Variants in SELENOS observed in about 807,000 individuals in gnomAD.
SELENOS encodes the protein selenoprotein S.
A neutral mutation model predicts 30.2 loss-of-function variants in SELENOS; 37 were observed. The observed-to-expected ratio is 1.23, with a 90% CI of 0.94 to 1.61. SELENOS has a LOEUF of 1.61. SELENOS is among the 40% of genes most tolerant of loss of function. The pLI, the probability that SELENOS is intolerant of heterozygous loss-of-function variation, is 0.00. For missense variants in SELENOS, 289 were observed against 231.8 expected (o/e 1.25, Z -1.60); for synonymous variants, 119 against 91.6 (o/e 1.30, Z -1.71).
Position 101,272,833 on chromosome 15 carries a change from C to A in SELENOS, c.508G>T (p.Gly170Ter). The A allele has an allele frequency of 6.2e-7, 1 of 1,609,478 alleles. No individual in the cohort carries two copies. The highest frequency in any genetic ancestry group is 2.2e-5 in the East Asian group (1 of 44,790). Residue 170 changes from glycine to a stop codon, truncating the protein, a stop_gained, in exon 6 of 6, where the codon GGA becomes TGA. Transcript: ENST00000526049. LOFTEE classifies it high-confidence loss of function. ...GGGYNPLSGE[G>*]GGACSWRPGR... Reference sequence around the variant, plus strand: ...GGTCTCCAGGAGCAAGCTCCGCCTCCTTCACCAGACAACGGGTTATAACCT... The same window carrying A: ...GGTCTCCAGGAGCAAGCTCCGCCTCATTCACCAGACAACGGGTTATAACCT...
chr15:101,272,906 C>A, intron 5 of SELENOS, 50 bp from the exon 6 acceptor site: 4 of 1,515,582 alleles, frequency 2.6e-6, no homozygotes, highest in Non-Finnish European at 3.6e-6. Flanking sequence ...ATCTGAAAAT[C>A]TGGGAACATT....
chr15:101,277,254 C>A, intron 1 of SELENOS, 88 bp downstream of exon 1: 1 of 1,519,214 alleles, frequency 6.6e-7, no homozygotes, highest in Non-Finnish European at 8.8e-7. Flanking sequence ...CAGGCTCCGG[C>A]GCCCGGTGCA....
intron 2 of SELENOS, 51 bp downstream of exon 2, chr15:101,276,490 T>A (rs2039328286): frequency 6.5e-7 from 1 of 1,543,416 alleles, no homozygotes; most frequent in Non-Finnish European, 8.7e-7. Context: ...TAACTCTTAA[T>A]ATAAAGGAGG....
In SELENOS at chr15:101,277,422, G is replaced by C. The variant is rs1311030003; in HGVS notation, c.-5C>G. The C allele has an allele frequency of 7.0e-7, 1 of 1,422,224 alleles. No homozygotes were observed. Among genetic ancestry groups the C allele is most frequent in the African/African-American group, 1.5e-5 (1 of 65,954 alleles). The allele number at this position is 1,422,224 out of a possible 1,614,324, so 88.1% of individuals were successfully genotyped here. On this transcript the variant is annotated 5_prime_UTR_variant, in exon 1 of 6. Transcript: ENST00000526049. ...AGACTCCTCTTGGCGTTCCATGACC[G>C]CCGCCGCCGCCGCCGCCCAGCCCTG...
Position 101,276,617 on chromosome 15 carries a change from G to A in SELENOS, c.135C>T (p.Tyr45=), listed in dbSNP as rs757405033. 9.9e-6 allele frequency: 16 copies of A among 1,613,726 alleles called. No homozygotes were observed. The African/African-American group carries it at 1.6e-4, about 16-fold the overall frequency. Residue 45 remains tyrosine (Y), a synonymous_variant, in exon 2 of 6, where the codon TAC becomes TAT. Transcript: ENST00000526049. ...WYIVFSCILL[Y]VVFQKLSARL... ...GGGCGGAAAGCTTCTGAAAGACCACGTAGAGAAGGATGCAGCTGAAGACGA... is the reference window on the plus strand; with the variant it reads ...GGGCGGAAAGCTTCTGAAAGACCACATAGAGAAGGATGCAGCTGAAGACGA...
Position 101,276,547 on chromosome 15 carries a change from C to T in SELENOS, c.205G>A (p.Ala69Thr). ...TCGGTTATCAGGCACTAACCCACAG[C>T]AGCCGCAGCTCGGTCCAGCTGCCTC... Reference protein sequence around the residue: ...RQRQLDRAAAAVEPDVVVKRQ... With the variant: ...RQRQLDRAAATVEPDVVVKRQ... The change falls in exon 2 of 6, where the codon GCT becomes ACT. Residue 69 changes from alanine (A) to threonine (T), a missense_variant. Coordinates refer to ENST00000526049, the MANE Select transcript of SELENOS (RefSeq NM_018445.6). 1 of 1,603,798 alleles carries T rather than the reference C, an allele frequency of 6.2e-7. No individual in the cohort carries two copies. The highest frequency in any genetic ancestry group is 8.5e-7 in the Non-Finnish European group (1 of 1,176,842).
rs757242293 is a variant in SELENOS, at chr15:101,276,550, C to T, written c.202G>A (p.Ala68Thr). Residue 68 changes from alanine to threonine, a missense_variant, in exon 2 of 6, where the codon GCT (alanine) becomes ACT (threonine). By Grantham distance (58) the Ala-to-Thr change is moderately conservative. Transcript: ENST00000526049. The part of the protein sequence containing the change: ...LRQRQLDRAA[A>T]AVEPDVVVKR... ...GTTATCAGGCACTAACCCACAGCAG[C>T]CGCAGCTCGGTCCAGCTGCCTCTGC... The T allele has an allele frequency of 1.2e-6, 2 of 1,606,602 alleles. No homozygotes were observed. The highest frequency in any genetic ancestry group is 1.7e-6 in the Non-Finnish European group (2 of 1,177,738).
intron 2 of SELENOS, 191 bp downstream of exon 2, chr15:101,276,350 G>C: frequency 3.3e-6 from 2 of 602,908 alleles, no homozygotes; most frequent in Admixed American, 4.0e-5. Flanking sequence ...CTGGACTCAA[G>C]TGATTATCCC....
intron 5 of SELENOS, among the ~76,000 whole-genome samples, chr15:101,273,537 A>G (rs988052424): frequency 4.6e-5 from 7 of 152,236 alleles, no homozygotes; most frequent in Non-Finnish European, 8.8e-5. Context: ...GCAGGCAAGC[A>G]CACCCTGCAT....
In SELENOS at chr15:101,277,125, A is replaced by T. The variant is rs762755098; in HGVS notation, c.76+217T>A. 2.8e-4 allele frequency: 233 copies of T among 833,074 alleles called. 3 individuals are homozygous for T. The highest frequency in any genetic ancestry group is 2.2e-3 in the South Asian group (155 of 69,128). The allele number at this position is 833,074 out of a possible 1,614,324, so 51.6% of individuals were successfully genotyped here. A position where few individuals can be genotyped will look rare whatever the true frequency, so the allele number is the denominator to read the frequency against. On this transcript the variant is annotated intron_variant, in intron 1 of 5. Coordinates refer to ENST00000526049, the MANE Select transcript of SELENOS (RefSeq NM_018445.6). The stretch of plus-strand genomic sequence containing the variant: ...CTTGGTTCGCAAAAAAGACTTGCGC[A>T]AACAAGGGACAGCCGAGCCGCCCAG...
chr15:101,272,828 G>A lies in SELENOS; in HGVS notation c.513C>T (p.Gly171=), dbSNP rs745406691. ...GTCCAGGTCTCCAGGAGCAAGCTCC[G>A]CCTCCTTCACCAGACAACGGGTTAT... ...GGYNPLSGEG[G]GACSWRPGRR... Residue 171 remains glycine, a synonymous_variant, in exon 6 of 6, where the codon GGC becomes GGT. Transcript: ENST00000526049. The A allele has an allele frequency of 3.2e-5, 52 of 1,609,602 alleles. No homozygotes were observed. Among genetic ancestry groups the A allele is most frequent in the Non-Finnish European group, 4.2e-5 (49 of 1,178,046 alleles).
downstream of SELENOS, chr15:101,271,716 C>T (rs1596464289): frequency 6.6e-6 from 1 of 151,962 alleles, no homozygotes; most frequent in Admixed American, 6.6e-5. Context: ...AGCGAATTAC[C>T]CCCTATTCTG....
chr15:101,275,933 A>T (rs1416369831), intron 2 of SELENOS, among the ~76,000 whole-genome samples: 1 of 150,446 alleles, frequency 6.6e-6, no homozygotes, highest in Non-Finnish European at 1.5e-5. Flanking sequence ...AAAAAAAAAA[A>T]AGAAAGAAAA....
intron 2 of SELENOS, among the ~76,000 whole-genome samples, chr15:101,275,918 GAA>G (rs11420308): frequency 0.016 from 1,826 of 113,212 alleles, 42 homozygotes; most frequent in African/African-American, 0.053. Context: ...CCATCTCATA[GAA>G]AAAAAAAAAA....
chr15:101,275,322 G>A lies in SELENOS; in HGVS notation c.251C>T (p.Ala84Val). The A allele has an allele frequency of 2.5e-6, 4 of 1,581,228 alleles. 1 individual carries two copies. The highest frequency in any genetic ancestry group is 1.7e-4 in the Middle Eastern group (1 of 5,990). ...VVVKRQEALA[A>V]ARLKMQEELN... is the part of the protein sequence containing the mutation. ...TTCTTCTTGCATTTTCAGTCGAGCA[G>A]CTGCTAAAGCTTCTTGTCGTTTAAC... Residue 84 changes from alanine to valine, a missense_variant, in exon 3 of 6, where the codon GCT becomes GTT. Physicochemically the swap from Ala to Val is moderately conservative, Grantham distance 64. Transcript: ENST00000526049.
chr15:101,274,991 T>A (rs1359641114), intron 3 of SELENOS: 5 of 565,150 alleles, frequency 8.8e-6, no homozygotes, highest in Non-Finnish European at 1.5e-5. Context: ...ACACACACAC[T>A]CACATGCTCC....
At chr15:101,273,560 G>C (rs979083832) in intron 5 of SELENOS, among the ~76,000 whole-genome samples, 2 of 152,160 alleles carry the variant, frequency 1.3e-5, no homozygotes, top group Non-Finnish European at 2.9e-5. Context: ...CATCTTCTAC[G>C]ATTTCCATTC....
intron 2 of SELENOS, 131 bp from the exon 3 acceptor site, chr15:101,275,492 G>A (rs1028862363): frequency 2.6e-6 from 2 of 777,266 alleles, no homozygotes; most frequent in African/African-American, 3.6e-5. Flanking sequence ...TTTTACATAA[G>A]TACTCCTAAC....
chr15:101,270,880 A>G (rs2039259892), downstream of SELENOS: 2 of 152,080 alleles, frequency 1.3e-5, no homozygotes, highest in African/African-American at 4.8e-5. Flanking sequence ...TCTCCTAATC[A>G]TTCTCCCTGA....
Sources: gnomAD v4.1 joint callset for allele counts (sites outside exome capture counted in the v4.1 genomes callset) on GRCh38, gnomAD v4.1.1 for gene constraint, MANE v1.5 for transcripts, NCBI Gene and HGNC (gene_info 2026-07-23, HGNC 2026-07-21) for gene names.